Variants in ASTN1 observed in about 807,000 individuals in gnomAD.
The protein encoded by ASTN1 is astrotactin-1.
A neutral mutation model predicts 140.7 loss-of-function variants in ASTN1; 41 were observed. The ratio of observed to expected loss-of-function variants is 0.29; its 90% CI spans 0.23 to 0.38. ASTN1 has a LOEUF of 0.38. ASTN1 is among the 10% of genes least tolerant of loss of function. The pLI, the probability that ASTN1 is intolerant of heterozygous loss-of-function variation, is 1.00. For synonymous variants in ASTN1, 640 were observed against 652.2 expected (o/e 0.98, Z 0.29); for missense variants, 1,479 against 1,678.8 (o/e 0.88, Z 2.08).
At chr1:177,012,994 A>G (rs1448379634) in intron 8 of ASTN1, among the ~76,000 whole-genome samples, 1 of 152,204 alleles carries the variant, frequency 6.6e-6, no homozygotes, top group Non-Finnish European at 1.5e-5. Context: ...ATCCCCAGAA[A>G]CTATGCAAAC....
intron 1 of ASTN1, among the ~76,000 whole-genome samples, chr1:177,152,812 A>G (rs369718570): frequency 1.3e-5 from 2 of 152,210 alleles, no homozygotes; most frequent in Non-Finnish European, 1.5e-5. Context: ...GACTAGCCCT[A>G]TGAGATATGA....
chr1:177,027,818 G>T (rs77151590), intron 5 of ASTN1, among the ~76,000 whole-genome samples: 148 of 145,532 alleles, frequency 1.0e-3, no homozygotes, highest in African/African-American at 3.6e-3. Context: ...CTCCTTTTTT[G>T]CCTCCCATTG....
intron 1 of ASTN1, among the ~76,000 whole-genome samples, chr1:177,118,148 C>T (rs1378094694): frequency 6.6e-6 from 1 of 152,058 alleles, no homozygotes; most frequent in Admixed American, 6.6e-5. Flanking sequence ...TATTTATATT[C>T]CCACCACAGT....
At chr1:176,878,081 A>C (rs2103021308) in intron 20 of ASTN1, among the ~76,000 whole-genome samples, 1 of 152,108 alleles carries the variant, frequency 6.6e-6, no homozygotes, top group East Asian at 1.9e-4. Flanking sequence ...TCTCCAAATT[A>C]TCATGCTGAA....
In ASTN1 at chr1:177,045,289, C is replaced by A. The variant is rs376212568; in HGVS notation, c.472-12440G>T. ...CAGAGACCACATTCTAAATTCCTTC[C>A]ACAGCCCCAGCCTTAGCAGAATGTC... On this transcript the variant is annotated intron_variant, in intron 2 of 22. Coordinates refer to ENST00000361833, the MANE Select transcript of ASTN1 (RefSeq NM_004319.3). 4.6e-5 allele frequency among the ~76,000 whole-genome samples: 7 copies of A among 152,336 alleles called. 1 individual carries two copies. Among genetic ancestry groups the A allele is most frequent in the African/African-American group, 1.7e-4 (7 of 41,586 alleles).
At chr1:177,070,789 G>A (rs1330268986) in intron 1 of ASTN1, among the ~76,000 whole-genome samples, 1 of 152,116 alleles carries the variant, frequency 6.6e-6, no homozygotes, top group Non-Finnish European at 1.5e-5. Context: ...GGGAATCTTA[G>A]GTCTCCTGGT....
intron 1 of ASTN1, among the ~76,000 whole-genome samples, chr1:177,106,585 A>T (rs1680553142): frequency 6.6e-6 from 1 of 152,208 alleles, no homozygotes; most frequent in Non-Finnish European, 1.5e-5. Flanking sequence ...AATTTTGCTG[A>T]AAGTCCATTA....
At chr1:176,884,942 T>C (rs1183268284) in intron 18 of ASTN1, among the ~76,000 whole-genome samples, 2 of 152,232 alleles carry the variant, frequency 1.3e-5, no homozygotes, top group Non-Finnish European at 2.9e-5. Flanking sequence ...CACAGTTGGT[T>C]TGGCTTCCAT....
chr1:177,020,344 T>C (rs562736265), intron 7 of ASTN1, among the ~76,000 whole-genome samples: 2 of 152,344 alleles, frequency 1.3e-5, no homozygotes, highest in Admixed American at 1.3e-4. Flanking sequence ...AGAGCTATGT[T>C]GCCTTCTGGA....
chr1:176,901,208 G>A (rs1347092960), intron 16 of ASTN1, among the ~76,000 whole-genome samples: 2 of 152,198 alleles, frequency 1.3e-5, no homozygotes, highest in African/African-American at 4.8e-5. Flanking sequence ...AGATAACCTA[G>A]TTGCAGAGAT....
chr1:176,898,517 A>G (rs1212605083), intron 16 of ASTN1, among the ~76,000 whole-genome samples: 1 of 152,244 alleles, frequency 6.6e-6, no homozygotes, highest in Non-Finnish European at 1.5e-5. Context: ...TACTCTTTAA[A>G]ATGATGGAGT....
chr1:176,997,080 CA>C (rs1441512365), intron 8 of ASTN1, among the ~76,000 whole-genome samples: 1 of 152,168 alleles, frequency 6.6e-6, no homozygotes, highest in African/African-American at 2.4e-5. Flanking sequence ...AATTCCCTGA[CA>C]GGGGTTACAA....
chr1:176,879,382 A>G (rs889132178), intron 20 of ASTN1, among the ~76,000 whole-genome samples: 2 of 152,158 alleles, frequency 1.3e-5, no homozygotes, highest in Non-Finnish European at 2.9e-5. Flanking sequence ...GGGCCACATG[A>G]TGCTGCCTGC....
rs558010400 is a variant in ASTN1, at chr1:176,942,651, C to T, written c.2377+1240G>A. Reference sequence around the variant, plus strand: ...ACCCCACTGCTCACTGAGATAATTGCATATCTGATTGCCTCCTTTGGAAAG... The same window carrying T: ...ACCCCACTGCTCACTGAGATAATTGTATATCTGATTGCCTCCTTTGGAAAG... On this transcript the variant is annotated intron_variant, in intron 14 of 22. Transcript: ENST00000361833. Among the ~76,000 whole-genome samples, 29 of 151,316 alleles carry T rather than the reference C, an allele frequency of 1.9e-4. No homozygotes were observed. The East Asian group carries it at 4.9e-3, about 26-fold the overall frequency.
In ASTN1 at chr1:176,882,766, G is replaced by A. The variant is rs1571452704; in HGVS notation, c.3362+93C>T. 5.9e-6 allele frequency: 9 copies of A among 1,522,622 alleles called. No individual in the cohort carries two copies. In the East Asian group the frequency reaches 1.4e-4, roughly 23 times the overall value. 94.3% of individuals were successfully genotyped at this position (1,522,622 alleles called of 1,614,324 possible). A position where few individuals can be genotyped will look rare whatever the true frequency, so the allele number is the denominator to read the frequency against. The stretch of plus-strand genomic sequence containing the variant: ...TCAGAGACTCAACATGTTTTGCTGA[G>A]TCTCTAAAGGAACTCAAGTAGCAAG... On this transcript the variant is annotated intron_variant, in intron 20 of 22. Transcript: ENST00000361833.
At chr1:177,054,891 G>A (rs2102020663) in intron 2 of ASTN1, among the ~76,000 whole-genome samples, 1 of 152,300 alleles carries the variant, frequency 6.6e-6, no homozygotes, top group East Asian at 1.9e-4. Flanking sequence ...CAAACCACAA[G>A]CTATGGAGGC....
intron 1 of ASTN1, among the ~76,000 whole-genome samples, chr1:177,151,667 A>C (rs1395089231): frequency 1.3e-5 from 2 of 152,156 alleles, no homozygotes; most frequent in African/African-American, 4.8e-5. Flanking sequence ...TTTCTTCTTT[A>C]AGTCACTTCC....
chr1:177,109,485 A>G (rs1331027121), intron 1 of ASTN1, among the ~76,000 whole-genome samples: 2 of 152,132 alleles, frequency 1.3e-5, no homozygotes, highest in African/African-American at 4.8e-5. Flanking sequence ...ATATCTCAAG[A>G]GACAGACATT....
At chr1:177,129,195 T>C (rs1681818961) in intron 1 of ASTN1, among the ~76,000 whole-genome samples, 1 of 152,130 alleles carries the variant, frequency 6.6e-6, no homozygotes, top group African/African-American at 2.4e-5. Context: ...CCAGTAGGCA[T>C]ATGTAAGGGA....
Sources: gnomAD v4.1 joint callset for allele counts (sites outside exome capture counted in the v4.1 genomes callset) on GRCh38, gnomAD v4.1.1 for gene constraint, MANE v1.5 for transcripts, NCBI Gene and HGNC (gene_info 2026-07-23, HGNC 2026-07-21) for gene names.